Variants in LDB2 observed in about 807,000 individuals in gnomAD.
LDB2 encodes the protein LIM domain-binding protein 2.
Under a neutral mutation model 44.3 loss-of-function variants are expected in LDB2, and 12 were observed. The observed-to-expected ratio is 0.27, with a 90% confidence interval of 0.17 to 0.44. LDB2 has a LOEUF of 0.44. Ranked by LOEUF, LDB2 falls within the 20% of genes least tolerant of loss-of-function variation. The probability of loss-of-function intolerance (pLI) is 1.00; values close to 1 mark genes in which losing one functional copy is unlikely to be tolerated. For synonymous variants in LDB2, 164 were observed against 174.8 expected (o/e 0.94, Z 0.49); for missense variants, 344 against 473.5 (o/e 0.73, Z 2.54).
At chr4:16,739,576 A>G (rs1176736817) in intron 2 of LDB2, among the ~76,000 whole-genome samples, 3 of 44,816 alleles carry the variant, frequency 6.7e-5, no homozygotes, top group Admixed American at 2.4e-4. Context: ...ACAGAGGGAA[A>G]AAAAAAAAAA....
intron 5 of LDB2, among the ~76,000 whole-genome samples, chr4:16,555,473 A>G (rs1739236112): frequency 6.6e-6 from 1 of 152,102 alleles, no homozygotes; most frequent in Non-Finnish European, 1.5e-5. Context: ...ACACCAACAA[A>G]CATGTGCTTG....
At chr4:16,881,307 T>A (rs1287882982) in intron 1 of LDB2, among the ~76,000 whole-genome samples, 2 of 152,198 alleles carry the variant, frequency 1.3e-5, no homozygotes, top group Admixed American at 1.3e-4. Flanking sequence ...TCTCTCGGCC[T>A]CACTTATCTT....
chr4:16,863,713 C>A (rs1025446947), intron 1 of LDB2, among the ~76,000 whole-genome samples: 1 of 131,740 alleles, frequency 7.6e-6, no homozygotes, highest in African/African-American at 2.9e-5. Context: ...CAGGCTAGAG[C>A]GCAGTGGCGC....
At chr4:16,661,284 T>A (rs1341633949) in intron 2 of LDB2, among the ~76,000 whole-genome samples, 2 of 152,230 alleles carry the variant, frequency 1.3e-5, no homozygotes, top group Non-Finnish European at 2.9e-5. Context: ...TCAAGCACTA[T>A]GTACCAACAC....
At chr4:16,602,056 C>A (rs1272341212) in intron 2 of LDB2, among the ~76,000 whole-genome samples, 1 of 151,952 alleles carries the variant, frequency 6.6e-6, no homozygotes, top group African/African-American at 2.4e-5. Context: ...TTCTAATATG[C>A]CTTTTACTTA....
intron 2 of LDB2, among the ~76,000 whole-genome samples, chr4:16,756,392 G>C (rs2109171789): frequency 6.6e-6 from 1 of 152,304 alleles, no homozygotes; most frequent in Middle Eastern, 3.4e-3. Context: ...AGTGGAGGTT[G>C]CAGTGAGCTG....
At chr4:16,697,866 G>A (rs1030301818) in intron 2 of LDB2, among the ~76,000 whole-genome samples, 1 of 152,198 alleles carries the variant, frequency 6.6e-6, no homozygotes, top group South Asian at 2.1e-4. Flanking sequence ...TTACGTAGTA[G>A]TAAGTTAAAG....
chr4:16,734,942 C>G (rs565406073), intron 2 of LDB2, among the ~76,000 whole-genome samples: 2 of 152,144 alleles, frequency 1.3e-5, no homozygotes, highest in African/African-American at 4.8e-5. Context: ...CTCCTGACCT[C>G]AGGTGATCCA....
At position 16,687,392 on chromosome 4, in the gene LDB2, G is replaced by A. The variant is rs76176960; in HGVS notation, c.235+71766C>T. Among the ~76,000 whole-genome samples, 1,211 of 152,228 alleles carry A rather than the reference G, an allele frequency of 8.0e-3. 3 individuals are homozygous for A. Among genetic ancestry groups the A allele is most frequent in the Admixed American group, 0.019 (286 of 15,302 alleles). On this transcript the variant is annotated intron_variant, in intron 2 of 7. Coordinates refer to ENST00000304523, the MANE Select transcript of LDB2 (RefSeq NM_001290.5). ...CACTTGAGGACACAGCAGGTAAATT[G>A]CTGCCTATGAACCAGGAAGCAGGCT...
At chr4:16,541,962 C>T (rs904182340) in intron 5 of LDB2, among the ~76,000 whole-genome samples, 1 of 152,000 alleles carries the variant, frequency 6.6e-6, no homozygotes. Context: ...CTATTTTATG[C>T]CTCCTTCTTT....
chr4:16,594,938 C>G (rs1387399035), intron 3 of LDB2, among the ~76,000 whole-genome samples: 1 of 152,166 alleles, frequency 6.6e-6, no homozygotes, highest in Non-Finnish European at 1.5e-5. Context: ...TACTAATTTT[C>G]CTACCTGCAA....
chr4:16,601,152 C>T (rs1722477804), intron 2 of LDB2, among the ~76,000 whole-genome samples: 1 of 152,072 alleles, frequency 6.6e-6, no homozygotes, highest in African/African-American at 2.4e-5. Context: ...AACAGATATA[C>T]ACAAATACTT....
chr4:16,535,826 G>A (rs995167787), intron 5 of LDB2, among the ~76,000 whole-genome samples: 4 of 152,198 alleles, frequency 2.6e-5, no homozygotes, highest in South Asian at 4.1e-4. Context: ...CAAAGATACC[G>A]ATGTGTAGAA....
At chr4:16,666,464 C>G (rs906058660) in intron 2 of LDB2, among the ~76,000 whole-genome samples, 2 of 152,232 alleles carry the variant, frequency 1.3e-5, no homozygotes, top group South Asian at 2.1e-4. Context: ...CATTTTCTGC[C>G]TCTGGAAGGA....
chr4:16,845,062 T>C (rs1295624815), intron 1 of LDB2, among the ~76,000 whole-genome samples: 1 of 152,178 alleles, frequency 6.6e-6, no homozygotes, highest in Non-Finnish European at 1.5e-5. Context: ...ACTCATGCAG[T>C]GCATGTTTCA....
chr4:16,595,691 C>A lies in LDB2; in HGVS notation c.408+12G>T. 2 of 1,610,192 alleles carry A rather than the reference C, an allele frequency of 1.2e-6. No individual in the cohort carries two copies. Among genetic ancestry groups the A allele is most frequent in the Middle Eastern group, 1.8e-4 (1 of 5,484 alleles). ...AGGAAAAGCCGGGCATGTGACAGAG[C>A]CTGTCCTGTACCTTGGTAAACATGG... On this transcript the variant is annotated intron_variant, in intron 3 of 7. Coordinates refer to ENST00000304523, the MANE Select transcript of LDB2 (RefSeq NM_001290.5).
chr4:16,889,092 A>AAACAC (rs1722579544), intron 1 of LDB2: 1 of 149,280 alleles, frequency 6.7e-6, no homozygotes, highest in African/African-American at 2.5e-5. Context: ...CACACACATA[A>AAACAC]ACACACACAC....
chr4:16,736,314 A>G (rs1761906097), intron 2 of LDB2, among the ~76,000 whole-genome samples: 1 of 152,180 alleles, frequency 6.6e-6, no homozygotes, highest in African/African-American at 2.4e-5. Context: ...GTCTTCCCAA[A>G]TAGGGAAATT....
intron 2 of LDB2, among the ~76,000 whole-genome samples, chr4:16,684,736 C>T (rs1302791134): frequency 1.3e-5 from 2 of 152,158 alleles, no homozygotes; most frequent in African/African-American, 2.4e-5. Flanking sequence ...ACATTATCAT[C>T]TATGAGGGAA....
Sources: gnomAD v4.1 joint callset for allele counts (sites outside exome capture counted in the v4.1 genomes callset) on GRCh38, gnomAD v4.1.1 for gene constraint, MANE v1.5 for transcripts, NCBI Gene and HGNC (gene_info 2026-07-23, HGNC 2026-07-21) for gene names.